Variants in MID1 observed in about 807,000 individuals in gnomAD.
The protein encoded by MID1 is E3 ubiquitin-protein ligase Midline-1.
A neutral mutation model predicts 40.4 loss-of-function variants in MID1; 7 were observed. The ratio of observed to expected loss-of-function variants is 0.17; its 90% CI spans 0.10 to 0.33. The LOEUF is 0.33. Ranked by LOEUF, MID1 falls within the 10% of genes least tolerant of loss-of-function variation. The pLI, the probability that MID1 is intolerant of heterozygous loss-of-function variation, is 1.00. For synonymous variants in MID1, 229 were observed against 221.2 expected (o/e 1.04, Z -0.31); for missense variants, 367 against 558.5 (o/e 0.66, Z 3.46).
intron 2 of MID1, among the ~76,000 whole-genome samples, chrX:10,532,919 C>T (rs1040099347): frequency 3.7e-5 from 2 of 53,682 alleles, no homozygotes; most frequent in Non-Finnish European, 4.7e-5. Context: ...AGGCATGTGC[C>T]ACCACCATGC....
At chrX:10,774,987 G>C (rs1203224715) in intron 1 of MID1, among the ~76,000 whole-genome samples, 1 of 110,487 alleles carries the variant, frequency 9.1e-6, no homozygotes, top group Admixed American at 9.8e-5. Context: ...TCCAGTTCTA[G>C]AATGCTTTGT....
rs1057345861 is a variant in MID1 at position 10,608,813 on chromosome X, T to C, written c.-57+11477A>G. On this transcript the variant is annotated intron_variant, in intron 1 of 9. Coordinates refer to ENST00000317552, the MANE Select transcript of MID1 (RefSeq NM_000381.4). ...TGCCCTCTAAAATGCATTTTTTCCA[T>C]TTCTACCTTTTGTATTTACTGCTGT... Among the ~76,000 whole-genome samples the C allele has an allele frequency of 2.7e-5, 3 of 112,128 alleles. No individual in the cohort carries two copies. The Admixed American group carries it at 2.8e-4, about 11-fold the overall frequency.
chrX:10,488,759 C>T (rs1031979190), intron 4 of MID1, among the ~76,000 whole-genome samples: 1 of 110,594 alleles, frequency 9.0e-6, no homozygotes, highest in Admixed American at 9.6e-5. Context: ...CAGCTGCCAG[C>T]GAATATAAGC....
intron 1 of MID1, among the ~76,000 whole-genome samples, chrX:10,667,033 A>G (rs966474074): frequency 2.7e-5 from 3 of 111,679 alleles, no homozygotes; most frequent in Admixed American, 9.5e-5. Context: ...AGATCTTGCT[A>G]CCTAGAGTTG....
intron 1 of MID1, among the ~76,000 whole-genome samples, chrX:10,735,941 T>A (rs2147106004): frequency 1.8e-5 from 2 of 111,878 alleles, no homozygotes; most frequent in East Asian, 5.6e-4. Flanking sequence ...TATATAGTTA[T>A]TTATAATTTT....
At chrX:10,589,689 T>C (rs1182766056) in intron 1 of MID1, 2 of 110,395 alleles carry the variant, frequency 1.8e-5, no homozygotes, top group Non-Finnish European at 3.8e-5. Flanking sequence ...TGGCGAGGCG[T>C]CCCACCTGGG....
At chrX:10,715,256 A>C (rs1274584789) in intron 1 of MID1, among the ~76,000 whole-genome samples, 1 of 112,172 alleles carries the variant, frequency 8.9e-6, no homozygotes, top group Non-Finnish European at 1.9e-5. Context: ...GCATCACCTC[A>C]CCCGGGAAGC....
At chrX:10,694,236 C>T (rs1213853629) in intron 1 of MID1, among the ~76,000 whole-genome samples, 2 of 112,103 alleles carry the variant, frequency 1.8e-5, no homozygotes, top group African/African-American at 3.2e-5. Flanking sequence ...TATAAACAAA[C>T]ATTATCACAA....
intron 1 of MID1, among the ~76,000 whole-genome samples, chrX:10,755,604 T>C: frequency 8.9e-6 from 1 of 112,226 alleles, no homozygotes; most frequent in Non-Finnish European, 1.9e-5. Flanking sequence ...GGGGTCGTTA[T>C]CGACAGCATA....
chrX:10,685,035 CAT>C (rs1253965223), intron 1 of MID1, among the ~76,000 whole-genome samples: 1 of 111,747 alleles, frequency 8.9e-6, no homozygotes, highest in Non-Finnish European at 1.9e-5. Context: ...CATGTTGTAA[CAT>C]GTATCATTAC....
At chrX:10,607,441 CA>C (rs1378666183) in intron 1 of MID1, among the ~76,000 whole-genome samples, 2 of 111,919 alleles carry the variant, frequency 1.8e-5, no homozygotes, top group African/African-American at 3.3e-5. Flanking sequence ...GACAGCCCCA[CA>C]AATAATTATG....
chrX:10,669,706 T>A (rs767181223), intron 1 of MID1, among the ~76,000 whole-genome samples: 1 of 112,298 alleles, frequency 8.9e-6, no homozygotes, highest in Non-Finnish European at 1.9e-5. Context: ...ATGGTATAAA[T>A]CTCATATTTT....
At chrX:10,803,757 C>T (rs766881186) in intron 1 of MID1, among the ~76,000 whole-genome samples, 13 of 111,608 alleles carry the variant, frequency 1.2e-4, no homozygotes, top group Non-Finnish European at 2.1e-4. Context: ...TTCATGTTCT[C>T]GGAACTTCCT....
At chrX:10,719,239 A>G (rs1177794774) in intron 1 of MID1, among the ~76,000 whole-genome samples, 1 of 110,707 alleles carries the variant, frequency 9.0e-6, no homozygotes, top group Non-Finnish European at 1.9e-5. Context: ...TTCAATTAGG[A>G]AAAGAGGAAG....
intron 1 of MID1, among the ~76,000 whole-genome samples, chrX:10,663,082 G>T (rs973859322): frequency 9.0e-6 from 1 of 111,661 alleles, no homozygotes; most frequent in African/African-American, 3.3e-5. Flanking sequence ...ACACGGCTCT[G>T]TATCATAACC....
chrX:10,496,173 C>T (rs772917737), intron 3 of MID1, among the ~76,000 whole-genome samples: 8 of 112,449 alleles, frequency 7.1e-5, no homozygotes, highest in African/African-American at 2.3e-4. Context: ...TCACATTTGA[C>T]ATTTCTCTTA....
chrX:10,518,573 A>C (rs1298784707), intron 3 of MID1, among the ~76,000 whole-genome samples: 2 of 111,463 alleles, frequency 1.8e-5, no homozygotes, highest in South Asian at 7.6e-4. Flanking sequence ...GAAGTTAAAA[A>C]AATCTTTGAT....
chrX:10,727,144 C>T (rs1033585748), intron 1 of MID1, among the ~76,000 whole-genome samples: 2 of 112,002 alleles, frequency 1.8e-5, no homozygotes, highest in Admixed American at 9.5e-5. Flanking sequence ...GACGGAGTTT[C>T]ACTCTTGTTG....
chrX:10,542,877 T>C (rs2428600), intron 2 of MID1, among the ~76,000 whole-genome samples: 37,208 of 111,300 alleles, frequency 0.33, 4,819 homozygotes, highest in Non-Finnish European at 0.4. Flanking sequence ...AAAGAATTTC[T>C]AATGCAATTC....
Sources: gnomAD v4.1 joint callset for allele counts (sites outside exome capture counted in the v4.1 genomes callset) on GRCh38, gnomAD v4.1.1 for gene constraint, MANE v1.5 for transcripts, NCBI Gene and HGNC (gene_info 2026-07-23, HGNC 2026-07-21) for gene names.